Variants in NOL4 observed in about 807,000 individuals in gnomAD.
NOL4 encodes the protein nucleolar protein 4.
Under a neutral mutation model 75.9 loss-of-function variants are expected in NOL4, and 17 were observed. That is an observed-to-expected ratio of 0.22 (90% CI 0.15 to 0.34). The LOEUF (loss-of-function observed/expected upper bound fraction) is 0.34. Ranked by LOEUF, NOL4 falls within the 10% of genes least tolerant of loss-of-function variation. The pLI, the probability that NOL4 is intolerant of heterozygous loss-of-function variation, is 1.00. For synonymous variants in NOL4, 292 were observed against 289.9 expected, an observed-to-expected ratio of 1.01 and a Z score of -0.07; for missense variants, 614 against 793.5, an observed-to-expected ratio of 0.77 and a Z score of 2.72.
chr18:34,106,989 T>C (rs2079317998), intron 2 of NOL4, among the ~76,000 whole-genome samples: 1 of 152,118 alleles, frequency 6.6e-6, no homozygotes, highest in Non-Finnish European at 1.5e-5. Context: ...TTTTTCTAGA[T>C]TTCTATTAAA....
chr18:34,051,587 T>C (rs1483316408), intron 5 of NOL4, among the ~76,000 whole-genome samples: 1 of 152,088 alleles, frequency 6.6e-6, no homozygotes, highest in African/African-American at 2.4e-5. Context: ...CTTTATTAGA[T>C]ATTGTAGTAG....
chr18:33,885,125 G>A (rs913578451), intron 9 of NOL4, among the ~76,000 whole-genome samples: 2 of 151,764 alleles, frequency 1.3e-5, no homozygotes, highest in Non-Finnish European at 2.9e-5. Context: ...AAACTTGAAT[G>A]TTGATATAAA....
At chr18:34,112,987 T>C (rs751961088) in intron 2 of NOL4, among the ~76,000 whole-genome samples, 2 of 152,168 alleles carry the variant, frequency 1.3e-5, no homozygotes, top group Non-Finnish European at 2.9e-5. Flanking sequence ...AATCTGTTTC[T>C]CAAGACAGGG....
At chr18:34,220,806 A>C (rs2037245048) in intron 1 of NOL4, among the ~76,000 whole-genome samples, 1 of 152,190 alleles carries the variant, frequency 6.6e-6, no homozygotes, top group African/African-American at 2.4e-5. Context: ...ATTATCTAAC[A>C]ATCACCTGAT....
At chr18:33,860,394 T>C (rs915421041) in intron 10 of NOL4, among the ~76,000 whole-genome samples, 3 of 152,130 alleles carry the variant, frequency 2.0e-5, no homozygotes, top group African/African-American at 7.2e-5. Context: ...AAAGTCCAAG[T>C]CCTAAGTCTC....
At chr18:34,102,792 T>C (rs1401741452) in intron 4 of NOL4, among the ~76,000 whole-genome samples, 2 of 151,792 alleles carry the variant, frequency 1.3e-5, no homozygotes, top group South Asian at 2.1e-4. Context: ...TAATGAATCA[T>C]GAAGATAGTT....
At chr18:34,159,912 A>AGTGGG (rs199641372) in intron 1 of NOL4, among the ~76,000 whole-genome samples, 5 of 151,796 alleles carry the variant, frequency 3.3e-5, no homozygotes, top group Admixed American at 6.6e-5. Flanking sequence ...CGGGGAGGGG[A>AGTGGG]GTGGGGTGGG....
chr18:34,058,318 T>G lies in NOL4; in HGVS notation c.772+35147A>C, dbSNP rs2076916807. On this transcript the variant is annotated intron_variant, in intron 5 of 10. Coordinates refer to ENST00000261592, the MANE Select transcript of NOL4 (RefSeq NM_003787.5). Reference sequence around the variant, plus strand: ...CCGGCTAATTTTTTGTTATTTTTAGTAGAGACGGGGTTTCACCATGTTAGC... The same window carrying G: ...CCGGCTAATTTTTTGTTATTTTTAGGAGAGACGGGGTTTCACCATGTTAGC... Among the ~76,000 whole-genome samples the G allele has an allele frequency of 2.6e-5, 4 of 152,170 alleles. No homozygotes were observed. In the South Asian group the frequency reaches 8.3e-4, roughly 32 times the overall value.
chr18:33,881,427 C>A (rs949621230), intron 10 of NOL4, among the ~76,000 whole-genome samples: 1 of 150,988 alleles, frequency 6.6e-6, no homozygotes, highest in African/African-American at 2.4e-5. Flanking sequence ...TGAGAGAGGG[C>A]ATCCCTGTCT....
At chr18:34,222,327 G>A (rs2037375874) in intron 1 of NOL4, 1 of 1,262,372 alleles carries the variant, frequency 7.9e-7, no homozygotes, top group Non-Finnish European at 1.0e-6. Context: ...GTGGAAGAGG[G>A]AAGTGAGGAA....
At chr18:33,895,253 C>G (rs1040983284) in intron 9 of NOL4, among the ~76,000 whole-genome samples, 3 of 151,860 alleles carry the variant, frequency 2.0e-5, no homozygotes, top group Non-Finnish European at 2.9e-5. Flanking sequence ...ACATGACTAG[C>G]AAGAAGTAAC....
intron 1 of NOL4, among the ~76,000 whole-genome samples, chr18:34,187,510 G>A (rs1017666660): frequency 7.3e-5 from 11 of 151,586 alleles, no homozygotes; most frequent in African/African-American, 2.7e-4. Flanking sequence ...CCGCGTAGCT[G>A]GGACTACAGG....
At chr18:34,111,387 C>T (rs1006433033) in intron 2 of NOL4, among the ~76,000 whole-genome samples, 1 of 152,196 alleles carries the variant, frequency 6.6e-6, no homozygotes, top group Middle Eastern at 3.4e-3. Context: ...AATCCCCAGT[C>T]TAGTAGTGTT....
rs575692922 is a variant in NOL4, at chr18:34,151,106, G to T, written c.265-21086C>A. On this transcript the variant is annotated intron_variant, in intron 1 of 10. Transcript: ENST00000261592. ...ATATGGAGCAAAAAGAACGTTAATT[G>T]TGCATAGGATTGCAAAACTTTATAG... Among the ~76,000 whole-genome samples, 7 of 151,934 alleles carry T rather than the reference G, an allele frequency of 4.6e-5. No homozygotes were observed. In the South Asian group the frequency reaches 1.4e-3, roughly 31 times the overall value.
intron 5 of NOL4, among the ~76,000 whole-genome samples, chr18:34,028,100 G>C (rs988524052): frequency 3.3e-5 from 5 of 152,136 alleles, no homozygotes; most frequent in African/African-American, 1.2e-4. Context: ...GCCAAATTAA[G>C]AGCTCTCACA....
chr18:33,882,325 C>A (rs1328844934), intron 10 of NOL4, among the ~76,000 whole-genome samples: 1 of 152,026 alleles, frequency 6.6e-6, no homozygotes, highest in South Asian at 2.1e-4. Flanking sequence ...GGGCTAATAT[C>A]CAGAATCTAC....
chr18:34,141,056 CA>C (rs1248946086), intron 1 of NOL4, among the ~76,000 whole-genome samples: 2 of 152,078 alleles, frequency 1.3e-5, no homozygotes, highest in Non-Finnish European at 2.9e-5. Context: ...AACAGAGAGC[CA>C]AATCATGAAT....
At chr18:34,122,765 A>G (rs1201879137) in intron 2 of NOL4, among the ~76,000 whole-genome samples, 1 of 152,098 alleles carries the variant, frequency 6.6e-6, no homozygotes, top group Admixed American at 6.6e-5. Context: ...TTCATTACCT[A>G]TATAGTTATT....
intron 1 of NOL4, among the ~76,000 whole-genome samples, chr18:34,171,815 T>G (rs2033068859): frequency 6.6e-6 from 1 of 152,174 alleles, no homozygotes; most frequent in African/African-American, 2.4e-5. Context: ...CAAGTAGTAT[T>G]CTAAGTCACT....
Sources: gnomAD v4.1 joint callset for allele counts (sites outside exome capture counted in the v4.1 genomes callset) on GRCh38, gnomAD v4.1.1 for gene constraint, MANE v1.5 for transcripts, NCBI Gene and HGNC (gene_info 2026-07-23, HGNC 2026-07-21) for gene names.